Variants in NOL9 observed in about 807,000 individuals in gnomAD.
NOL9 encodes nucleolar protein 9, also known as polynucleotide 5'-hydroxyl-kinase NOL9.
Under a neutral mutation model 67.9 loss-of-function variants are expected in NOL9, and 28 were observed. That is an observed-to-expected ratio of 0.41 (90% CI 0.31 to 0.57). The LOEUF is 0.57. NOL9 is among the 20% of genes least tolerant of loss of function. NOL9 has a pLI of 0.25. For synonymous variants in NOL9, 356 were observed against 352.2 expected, an observed-to-expected ratio of 1.01 and a Z score of -0.12; for missense variants, 777 against 897.0, an observed-to-expected ratio of 0.87 and a Z score of 1.71.
In NOL9 at chr1:6,550,587, A is replaced by G; in HGVS notation, c.425T>C (p.Val142Ala). Residue 142 changes from valine to alanine, a missense_variant, in exon 2 of 12, where the codon GTG (valine) becomes GCG (alanine). Physicochemically the swap from Val to Ala is moderately conservative, Grantham distance 64 (BLOSUM62 0). Around this residue, in one of 2 missense-constraint regions of NOL9, gnomAD observed 364 missense variants for 344.4 expected, o/e 1.06. Coordinates refer to ENST00000377705, the MANE Select transcript of NOL9 (RefSeq NM_024654.5). ...QGFTFSGICR[V>A]TCLYGQVQVF... ...CTGCACCTGGCCATAGAGGCAAGTC[A>G]CACGACAGATCCCACTAAAAGTAAA... The G allele has an allele frequency of 6.2e-7, 1 of 1,613,874 alleles. No homozygotes were observed. The highest frequency in any genetic ancestry group is 1.1e-5 in the South Asian group (1 of 91,080).
Position 6,532,775 on chromosome 1 carries a change from C to T in NOL9, c.1238-15G>A. 1 of 1,602,888 alleles carries T rather than the reference C, an allele frequency of 6.2e-7. No homozygotes were observed. Among genetic ancestry groups the T allele is most frequent in the South Asian group, 1.1e-5 (1 of 89,996 alleles). ...GAGCCCCTGGTCTGTGGGGAAGAGA[C>T]ATTAGCACAGCTGATACACTCAAGA... is the stretch of plus-strand genomic sequence containing the variant. On this transcript the variant is annotated splice_polypyrimidine_tract_variant and intron_variant, in intron 7 of 11. Coordinates refer to ENST00000377705, the MANE Select transcript of NOL9 (RefSeq NM_024654.5).
intron 5 of NOL9, among the ~76,000 whole-genome samples, chr1:6,543,167 T>C (rs922909938): frequency 6.6e-6 from 1 of 151,620 alleles, no homozygotes; most frequent in African/African-American, 2.4e-5. Flanking sequence ...GTGCTGGGAT[T>C]ACAGGCAGAA....
intron 6 of NOL9, among the ~76,000 whole-genome samples, 167 bp downstream of exon 6, chr1:6,541,661 CAT>C: frequency 6.6e-6 from 1 of 151,984 alleles, no homozygotes; most frequent in Non-Finnish European, 1.5e-5. Context: ...GAGAAAGCAC[CAT>C]AGTTTGTTTT....
At chr1:6,545,919 CAAAAAAA>C (rs66980518) in intron 3 of NOL9, among the ~76,000 whole-genome samples, 35 of 59,664 alleles carry the variant, frequency 5.9e-4, no homozygotes, top group African/African-American at 2.0e-3. Context: ...GTCTGTGTCT[CAAAAAAA>C]AAAAAAAAAA....
rs139155763 is a variant in NOL9, at chr1:6,529,153, C to T, written c.1666G>A (p.Ala556Thr). 3.7e-6 allele frequency: 6 copies of T among 1,613,238 alleles called. No individual in the cohort carries two copies. Among genetic ancestry groups the T allele is most frequent in the African/African-American group, 2.7e-5 (2 of 74,958 alleles). Reference protein sequence around the residue: ...TPYQVPFNAVALRITHSDVAP... With the variant: ...TPYQVPFNAVTLRITHSDVAP... ...ACATCAGAGTGGGTAATCCGGAGTGCGACTGCATTGAAAGGGACCTGGAAA... is the reference window on the plus strand; with the variant it reads ...ACATCAGAGTGGGTAATCCGGAGTGTGACTGCATTGAAAGGGACCTGGAAA... Residue 556 changes from alanine to threonine, a missense_variant, in exon 10 of 12, where the codon GCA (alanine) becomes ACA (threonine). Coordinates refer to ENST00000377705, the MANE Select transcript of NOL9 (RefSeq NM_024654.5).
intron 10 of NOL9, among the ~76,000 whole-genome samples, 154 bp downstream of exon 10, chr1:6,528,840 G>C (rs1638951870): frequency 6.6e-6 from 1 of 152,204 alleles, no homozygotes; most frequent in Admixed American, 6.5e-5. Flanking sequence ...CTTCCTTCCT[G>C]GCCTCCAGCC....
In NOL9 at chr1:6,550,380, C is replaced by T; in HGVS notation, c.616+16G>A. The T allele has an allele frequency of 1.9e-6, 3 of 1,605,104 alleles. No homozygotes were observed. Among genetic ancestry groups the T allele is most frequent in the Non-Finnish European group, 2.6e-6 (3 of 1,171,920 alleles). ...TACAGTAGGCCCTCAGTAAATTACC[C>T]AGTTCTTTTCATTACCAAGGTTAAG... On this transcript the variant is annotated intron_variant, in intron 2 of 11. Transcript: ENST00000377705.
At chr1:6,550,117 C>T (rs1353641305) in intron 2 of NOL9, among the ~76,000 whole-genome samples, 2 of 152,078 alleles carry the variant, frequency 1.3e-5, no homozygotes, top group South Asian at 2.1e-4. Context: ...CTGCAAGCTC[C>T]GCCTCCCGGG....
Position 6,533,388 on chromosome 1 carries a change from G to A in NOL9, c.1129C>T (p.Pro377Ser), listed in dbSNP as rs1161726824. 4 of 1,613,146 alleles carry A rather than the reference G, an allele frequency of 2.5e-6. No individual in the cohort carries two copies. The highest frequency in any genetic ancestry group is 2.5e-6 in the Non-Finnish European group (3 of 1,179,434). The change falls in exon 7 of 12, where the codon CCT (proline) becomes TCT (serine). Residue 377 changes from proline to serine, a missense_variant. Pro to Ser is a moderately conservative substitution (Grantham distance 74, BLOSUM62 -1). Around this residue, in one of 2 missense-constraint regions of NOL9, gnomAD observed 413 missense variants for 552.6 expected, o/e 0.75. Transcript: ENST00000377705. ...TPQKMVYYGKPSCKNNYENYI... is the reference protein window; with the variant it reads ...TPQKMVYYGKSSCKNNYENYI... ...TTCTCATAGTTGTTTTTACAAGAAGGTTTCCCATAATATACCATCTTCTGT... is the reference window on the plus strand; with the variant it reads ...TTCTCATAGTTGTTTTTACAAGAAGATTTCCCATAATATACCATCTTCTGT...
In NOL9 at chr1:6,550,620, C is replaced by T; in HGVS notation, c.397-5G>A. ...GATCCCACTAAAAGTAAAACCCTAGCAGGGAGAGAAAACAGAAAAAACATT... is the reference window on the plus strand; with the variant it reads ...GATCCCACTAAAAGTAAAACCCTAGTAGGGAGAGAAAACAGAAAAAACATT... On this transcript the variant is annotated splice_polypyrimidine_tract_variant and splice_region_variant and intron_variant, in intron 1 of 11. Coordinates refer to ENST00000377705, the MANE Select transcript of NOL9 (RefSeq NM_024654.5). 6.2e-7 allele frequency: 1 copy of T among 1,607,250 alleles called. No individual in the cohort carries two copies.
At chr1:6,538,737 T>C (rs1419278460) in intron 6 of NOL9, among the ~76,000 whole-genome samples, 1 of 148,716 alleles carries the variant, frequency 6.7e-6, no homozygotes, top group Non-Finnish European at 1.5e-5. Context: ...AATCCCAGCA[T>C]TTTGGGATGC....
chr1:6,526,262 C>T (rs904760200), intron 11 of NOL9, among the ~76,000 whole-genome samples: 16 of 152,138 alleles, frequency 1.1e-4, no homozygotes, highest in African/African-American at 3.4e-4. Flanking sequence ...AGTGTGCGTC[C>T]CTTTCAAATG....
At chr1:6,527,879 G>A (rs1017223583) in intron 10 of NOL9, among the ~76,000 whole-genome samples, 4 of 152,000 alleles carry the variant, frequency 2.6e-5, no homozygotes, top group African/African-American at 9.7e-5. Context: ...TGCAGTGAAC[G>A]GAGATCACAC....
intron 6 of NOL9, among the ~76,000 whole-genome samples, chr1:6,541,606 C>T (rs188586270): frequency 7.2e-5 from 11 of 152,298 alleles, no homozygotes; most frequent in African/African-American, 7.2e-5. Context: ...CCATACCCAA[C>T]TAATTTCATA....
At chr1:6,526,971 T>C in intron 10 of NOL9, 142 bp from the exon 11 acceptor site, 1 of 1,124,030 alleles carries the variant, frequency 8.9e-7, no homozygotes, top group Non-Finnish European at 1.2e-6. Flanking sequence ...GCTGGCCAGG[T>C]GCAGTGGCTC....
rs1171726645 is a variant in NOL9, at chr1:6,544,860, A to G, written c.943T>C (p.Phe315Leu). ...CGSQDVGKST[F>L]NRYLINHLLN... ...AAATGGTTAATCAGGTATCTATTAA[A>G]TGTTGACTTTCCAACATCCTGGGAT... is the stretch of plus-strand genomic sequence containing the variant. The change falls in exon 5 of 12, where the codon TTT becomes CTT. Residue 315 changes from phenylalanine to leucine, a missense_variant. Phe to Leu is a conservative substitution (Grantham distance 22, BLOSUM62 0). Coordinates refer to ENST00000377705, the MANE Select transcript of NOL9 (RefSeq NM_024654.5). The G allele has an allele frequency of 1.9e-6, 3 of 1,614,236 alleles. No homozygotes were observed. The highest frequency in any genetic ancestry group is 1.7e-6 in the Non-Finnish European group (2 of 1,180,042).
chr1:6,527,221 T>C (rs1638906563), intron 10 of NOL9, among the ~76,000 whole-genome samples: 1 of 144,804 alleles, frequency 6.9e-6, no homozygotes, highest in Non-Finnish European at 1.5e-5. Flanking sequence ...TACTCCAGCC[T>C]GGGTGACAGA....
Position 6,527,244 on chromosome 1 carries a change from CAAA to C in NOL9, c.1826-418_1826-416del, listed in dbSNP as rs34234306. ...CCTGGGTGACAGAGTGAGACTGTCT[CAAA>C]AAAAAAAAAAAAATACAAAGAGTCA... On this transcript the variant is annotated intron_variant, in intron 10 of 11. Transcript: ENST00000377705. Among the ~76,000 whole-genome samples the C allele has an allele frequency of 6.9e-5, 7 of 101,632 alleles. 1 individual carries two copies. Among genetic ancestry groups the C allele is most frequent in the Admixed American group, 9.7e-5 (1 of 10,348 alleles). 66.7% of individuals were successfully genotyped at this position (101,632 alleles called of 152,430 possible).
At position 6,554,137 on chromosome 1, in the gene NOL9, G is replaced by C; in HGVS notation, c.366C>G (p.Gly122=). The part of the protein sequence containing the change: ...LIPPVRPVGP[G]RALLLLPVEQ... ...CGACCGGCAGCAGCAGCAACGCGCGGCCGGGGCCCACGGGCCGCACCGGTG... is the reference window on the plus strand; with the variant it reads ...CGACCGGCAGCAGCAGCAACGCGCGCCCGGGGCCCACGGGCCGCACCGGTG... Residue 122 remains glycine (G), a synonymous_variant, in exon 1 of 12, where the codon GGC becomes GGG. Transcript: ENST00000377705. The C allele has an allele frequency of 6.5e-7, 1 of 1,530,860 alleles. No homozygotes were observed. Among genetic ancestry groups the C allele is most frequent in the Non-Finnish European group, 8.8e-7 (1 of 1,138,458 alleles). The allele number at this position is 1,530,860 out of a possible 1,614,324, so 94.8% of individuals were successfully genotyped here. A position where few individuals can be genotyped will look rare whatever the true frequency, so the allele number is the denominator to read the frequency against.
Sources: gnomAD v4.1 joint callset for allele counts (sites outside exome capture counted in the v4.1 genomes callset) on GRCh38, gnomAD v4.1.1 for gene constraint, gnomAD v4.1.1 regional missense constraint, MANE v1.5 for transcripts, NCBI Gene and HGNC (gene_info 2026-07-23, HGNC 2026-07-21) for gene names.